Variants in SPINK5 observed in about 807,000 individuals in gnomAD.
SPINK5 encodes the protein serine protease inhibitor Kazal-type 5.
A neutral mutation model predicts 151.8 loss-of-function variants in SPINK5; 125 were observed. That is an observed-to-expected ratio of 0.82 (90% CI 0.71 to 0.96). The LOEUF is 0.96. SPINK5 is among the 40% of genes least tolerant of loss of function. The pLI is 0.00. For missense variants in SPINK5, 1,194 were observed against 1,291.9 expected (o/e 0.92, Z 1.16); for synonymous variants, 374 against 395.3 (o/e 0.95, Z 0.64).
In SPINK5 at chr5:148,122,101, C is replaced by G. The variant is rs11741417; in HGVS notation, c.2538+1710C>G. Among the ~76,000 whole-genome samples, 35 of 151,920 alleles carry G rather than the reference C, an allele frequency of 2.3e-4. 1 individual carries two copies. Among genetic ancestry groups the G allele is most frequent in the African/African-American group, 6.5e-4 (27 of 41,398 alleles). On this transcript the variant is annotated intron_variant, in intron 26 of 32. Transcript: ENST00000256084. ...ACCAATAATTATATTTAAACCTCCCCAAAATCTATTCAGTGGTGATATTGT... is the reference window on the plus strand; with the variant it reads ...ACCAATAATTATATTTAAACCTCCCGAAAATCTATTCAGTGGTGATATTGT...
At chr5:148,126,567 T>C (rs1754435692) in intron 29 of SPINK5, among the ~76,000 whole-genome samples, 1 of 147,124 alleles carries the variant, frequency 6.8e-6, no homozygotes, top group Admixed American at 6.7e-5. Context: ...GTTCTGTGAT[T>C]CTGTTTTATT....
intron 4 of SPINK5, among the ~76,000 whole-genome samples, chr5:148,080,409 A>G (rs1371365304): frequency 2.0e-5 from 3 of 151,370 alleles, no homozygotes; most frequent in Non-Finnish European, 4.4e-5. Context: ...AGTTATATAA[A>G]AAATATTGAG....
chr5:148,099,436 G>C (rs540083981), intron 12 of SPINK5, 121 bp downstream of exon 12: 1 of 791,000 alleles, frequency 1.3e-6, no homozygotes, highest in Admixed American at 2.2e-5. Flanking sequence ...TTCAATCTGG[G>C]GATGGTATTG....
At chr5:148,122,048 T>G (rs568951799) in intron 26 of SPINK5, among the ~76,000 whole-genome samples, 1 of 152,010 alleles carries the variant, frequency 6.6e-6, no homozygotes, top group Non-Finnish European at 1.5e-5. Context: ...TACCGTTTTA[T>G]CTACACATGC....
At chr5:148,108,503 G>A (rs1313664656) in intron 17 of SPINK5, among the ~76,000 whole-genome samples, 1 of 152,076 alleles carries the variant, frequency 6.6e-6, no homozygotes, top group Non-Finnish European at 1.5e-5. Flanking sequence ...CAAAAAATAA[G>A]ATCACCTGAG....
At chr5:148,078,649 A>C (rs2113020996) in intron 4 of SPINK5, among the ~76,000 whole-genome samples, 1 of 150,908 alleles carries the variant, frequency 6.6e-6, no homozygotes, top group East Asian at 2.0e-4. Flanking sequence ...AAATCCCCAA[A>C]TCTTTAGAAA....
At chr5:148,129,032 T>C (rs1377408760) in intron 30 of SPINK5, among the ~76,000 whole-genome samples, 1 of 152,094 alleles carries the variant, frequency 6.6e-6, no homozygotes, top group East Asian at 1.9e-4. Context: ...AAGTGACATA[T>C]ACAGAGAATA....
chr5:148,109,201 A>G, intron 18 of SPINK5, among the ~76,000 whole-genome samples: 1 of 152,190 alleles, frequency 6.6e-6, no homozygotes, highest in East Asian at 1.9e-4. Context: ...CCTTAAAAAC[A>G]GCAACAACTA....
chr5:148,086,355 G>A, intron 4 of SPINK5, 50 bp from the exon 5 acceptor site: 2 of 1,599,758 alleles, frequency 1.3e-6, no homozygotes, highest in Non-Finnish European at 1.7e-6. Flanking sequence ...TACATCTAAG[G>A]ACTATTTTGT....
In SPINK5 at chr5:148,126,199, C is replaced by T. The variant is rs569419289; in HGVS notation, c.2867+349C>T. 4.6e-5 allele frequency among the ~76,000 whole-genome samples: 7 copies of T among 151,908 alleles called. No homozygotes were observed. The South Asian group carries it at 1.5e-3, about 32-fold the overall frequency. The stretch of plus-strand genomic sequence containing the variant: ...TAAAAATAAATACAAATTTTTACAC[C>T]CCAAAATATATTATATCAGAATCTT... On this transcript the variant is annotated intron_variant, in intron 29 of 32. Coordinates refer to ENST00000256084, the MANE Select transcript of SPINK5 (RefSeq NM_006846.4).
At chr5:148,091,326 T>C in intron 8 of SPINK5, 98 bp downstream of exon 8, 8 of 947,616 alleles carry the variant, frequency 8.4e-6, no homozygotes, top group Non-Finnish European at 1.3e-5. Flanking sequence ...CATTGTCTTT[T>C]ATTATTATAT....
At position 148,120,506 on chromosome 5, in the gene SPINK5, G is replaced by A. The variant is rs75352497; in HGVS notation, c.2538+115G>A. On this transcript the variant is annotated intron_variant, in intron 26 of 32. Coordinates refer to ENST00000256084, the MANE Select transcript of SPINK5 (RefSeq NM_006846.4). ...TGTCCCAATCATTGGTGATATAACG[G>A]TAAACAATGAAGTCATGGCCAGATC... 3.0e-4 allele frequency: 392 copies of A among 1,319,900 alleles called. 1 individual carries two copies. In the African/African-American group the frequency reaches 4.9e-3, roughly 17 times the overall value. 81.8% of individuals were successfully genotyped at this position (1,319,900 alleles called of 1,614,324 possible). A position where few individuals can be genotyped will look rare whatever the true frequency, so the allele number is the denominator to read the frequency against.
chr5:148,072,795 G>T (rs1161253044), intron 4 of SPINK5, among the ~76,000 whole-genome samples: 3 of 150,356 alleles, frequency 2.0e-5, no homozygotes, highest in Admixed American at 6.6e-5. Flanking sequence ...TTCAACTATA[G>T]TTGCTTGTTT....
At chr5:148,133,313 C>A (rs2113239150) in intron 31 of SPINK5, among the ~76,000 whole-genome samples, 1 of 152,292 alleles carries the variant, frequency 6.6e-6, no homozygotes, top group Non-Finnish European at 1.5e-5. Context: ...CAGAGGCAAA[C>A]AAGTACATGT....
At chr5:148,072,297 AATT>A in intron 4 of SPINK5, 77 bp downstream of exon 4, 1 of 1,463,396 alleles carries the variant, frequency 6.8e-7, no homozygotes, top group South Asian at 1.1e-5. Context: ...TTTATTCCTT[AATT>A]ACTAGGTCAT....
chr5:148,118,786 G>A (rs1754171014), intron 23 of SPINK5, among the ~76,000 whole-genome samples, 200 bp from the exon 24 acceptor site: 5 of 152,082 alleles, frequency 3.3e-5, no homozygotes, highest in Admixed American at 3.3e-4. Flanking sequence ...ACAATTCTGT[G>A]AACTCTAAGT....
intron 13 of SPINK5, among the ~76,000 whole-genome samples, chr5:148,101,123 A>G (rs911022000): frequency 6.6e-6 from 1 of 152,018 alleles, no homozygotes; most frequent in African/African-American, 2.4e-5. Context: ...TATTATTTCT[A>G]TATCTTCAGG....
At chr5:148,114,734 C>T (rs1393929684) in intron 21 of SPINK5, among the ~76,000 whole-genome samples, 1 of 152,222 alleles carries the variant, frequency 6.6e-6, no homozygotes, top group Non-Finnish European at 1.5e-5. Context: ...CAGTAGATCA[C>T]ACTTCCTTGA....
chr5:148,121,016 G>A (rs1754244416), intron 26 of SPINK5, among the ~76,000 whole-genome samples: 2 of 151,372 alleles, frequency 1.3e-5, no homozygotes, highest in African/African-American at 4.9e-5. Flanking sequence ...ACGATGGCGG[G>A]CGCCTATAGT....
Sources: allele counts gnomAD v4.1 joint callset (sites outside exome capture counted in the v4.1 genomes callset), GRCh38; gene constraint gnomAD v4.1.1; transcripts MANE v1.5; gene names NCBI Gene and HGNC (gene_info 2026-07-23, HGNC 2026-07-21).